The following SPECC1 variants were observed in gnomAD, a reference collection of about 807,000 sequenced individuals.
SPECC1 encodes cytospin-B.
Under a neutral mutation model 104.1 loss-of-function variants are expected in SPECC1, and 62 were observed. That is an observed-to-expected ratio of 0.60 (90% CI 0.49 to 0.74). The LOEUF (loss-of-function observed/expected upper bound fraction) is 0.74. Ranked by LOEUF, SPECC1 falls within the 30% of genes least tolerant of loss-of-function variation. The probability of loss-of-function intolerance (pLI) is 0.00; values close to 1 mark genes in which losing one functional copy is unlikely to be tolerated. For missense variants in SPECC1, 1,306 were observed against 1,310.5 expected, an observed-to-expected ratio of 1.00 and a Z score of 0.05; for synonymous variants, 513 against 501.6, an observed-to-expected ratio of 1.02 and a Z score of -0.30.
chr17:20,052,018 G>A (rs748508998), intron 1 of SPECC1, among the ~76,000 whole-genome samples: 11 of 152,100 alleles, frequency 7.2e-5, no homozygotes, highest in Non-Finnish European at 1.2e-4. Context: ...GGTTATTAAG[G>A]ATTAAATGTG....
chr17:20,119,619 C>T (rs1011034927), intron 3 of SPECC1, among the ~76,000 whole-genome samples: 12 of 152,334 alleles, frequency 7.9e-5, no homozygotes, highest in Admixed American at 5.9e-4. Context: ...GTCATGCTGT[C>T]CCCAGACTGC....
At chr17:20,060,816 A>G (rs1016269279) in intron 1 of SPECC1, among the ~76,000 whole-genome samples, 5 of 152,232 alleles carry the variant, frequency 3.3e-5, no homozygotes, top group Non-Finnish European at 7.3e-5. Flanking sequence ...GATGGTACAA[A>G]ATAGAAAAAG....
chr17:20,254,135 G>GTC (rs1491150199), intron 10 of SPECC1, among the ~76,000 whole-genome samples: 670 of 12,050 alleles, frequency 0.056, 5 homozygotes, highest in African/African-American at 0.27. Context: ...TTGTTACACC[G>GTC]TGTGTGTGTG....
intron 1 of SPECC1, among the ~76,000 whole-genome samples, chr17:20,045,377 A>T (rs1472488545): frequency 6.6e-6 from 1 of 152,204 alleles, no homozygotes; most frequent in Non-Finnish European, 1.5e-5. Flanking sequence ...ACAATGCTGC[A>T]GTAAATACCA....
intron 1 of SPECC1, among the ~76,000 whole-genome samples, chr17:20,014,519 C>A (rs2044048384): frequency 6.6e-6 from 1 of 152,118 alleles, no homozygotes; most frequent in African/African-American, 2.4e-5. Context: ...TTTCTGAACC[C>A]TTGCATGTTT....
intron 1 of SPECC1, among the ~76,000 whole-genome samples, chr17:20,014,683 G>A (rs1459580309): frequency 2.0e-5 from 3 of 151,992 alleles, no homozygotes. Flanking sequence ...TGTAGTTAAT[G>A]TTTATTTTCT....
At chr17:20,151,314 C>A (rs2031986404) in intron 3 of SPECC1, among the ~76,000 whole-genome samples, 1 of 152,208 alleles carries the variant, frequency 6.6e-6, no homozygotes. Flanking sequence ...TGAGCCGCAG[C>A]TCCTAGTCAG....
At chr17:20,078,402 G>A (rs1021554894) in intron 1 of SPECC1, among the ~76,000 whole-genome samples, 1 of 151,912 alleles carries the variant, frequency 6.6e-6, no homozygotes, top group Non-Finnish European at 1.5e-5. Context: ...CTAGAAAAAG[G>A]AATATAGAAG....
chr17:20,213,063 A>C (rs1247651305), intron 4 of SPECC1, among the ~76,000 whole-genome samples: 2 of 152,088 alleles, frequency 1.3e-5, no homozygotes, highest in Admixed American at 6.6e-5. Context: ...CCAGCATTCA[A>C]AGTTGGGTCT....
intron 4 of SPECC1, among the ~76,000 whole-genome samples, chr17:20,213,929 G>A (rs770646216): frequency 8.6e-5 from 13 of 151,976 alleles, no homozygotes; most frequent in Non-Finnish European, 1.5e-4. Flanking sequence ...TTTAAATCAC[G>A]TAAGTCTGTG....
intron 1 of SPECC1, among the ~76,000 whole-genome samples, chr17:20,035,626 A>G (rs1399198733): frequency 1.3e-5 from 2 of 151,838 alleles, no homozygotes; most frequent in Non-Finnish European, 2.9e-5. Flanking sequence ...TTTTTTTTAA[A>G]TAGAGATGTG....
At chr17:20,248,661 G>C (rs1239603536) in intron 9 of SPECC1, among the ~76,000 whole-genome samples, 4 of 152,144 alleles carry the variant, frequency 2.6e-5, no homozygotes, top group African/African-American at 7.2e-5. Flanking sequence ...TTTATCTCTT[G>C]TGTGTCGGTG....
intron 1 of SPECC1, chr17:20,017,256 A>AAC (rs2044176715): frequency 6.6e-6 from 1 of 152,486 alleles, no homozygotes; most frequent in African/African-American, 2.4e-5. Context: ...TATGAGCTGC[A>AAC]ACACACACCT....
At chr17:20,236,860 C>T (rs1258016429) in intron 7 of SPECC1, 1 of 1,613,758 alleles carries the variant, frequency 6.2e-7, no homozygotes, top group Non-Finnish European at 8.5e-7. Context: ...ATTTTCACAG[C>T]TCCCTGGGCT....
intron 3 of SPECC1, among the ~76,000 whole-genome samples, chr17:20,173,873 C>T (rs1185110188): frequency 6.6e-6 from 1 of 151,958 alleles, no homozygotes; most frequent in East Asian, 1.9e-4. Context: ...CTTTACTTGG[C>T]TCTTGCAAAC....
At chr17:20,059,131 C>T (rs149045131) in intron 1 of SPECC1, among the ~76,000 whole-genome samples, 31 of 152,082 alleles carry the variant, frequency 2.0e-4, no homozygotes, top group Non-Finnish European at 3.4e-4. Context: ...TGAGCCACCA[C>T]GCCTGGCCTA....
intron 3 of SPECC1, among the ~76,000 whole-genome samples, chr17:20,168,729 A>G (rs899913200): frequency 6.6e-6 from 1 of 152,242 alleles, no homozygotes; most frequent in Non-Finnish European, 1.5e-5. Context: ...TAGTAAGGTA[A>G]CCAGCTTGGA....
rs140132500 is a variant in SPECC1, at chr17:20,117,546, G to A, written c.283+6984G>A. Among the ~76,000 whole-genome samples, 1,008 of 151,994 alleles carry A rather than the reference G, an allele frequency of 6.6e-3. 9 individuals are homozygous for A. The highest frequency in any genetic ancestry group is 0.023 in the African/African-American group (950 of 41,466). On this transcript the variant is annotated intron_variant, in intron 3 of 14. Coordinates refer to ENST00000395527, the MANE Select transcript of SPECC1 (RefSeq NM_001243439.2). ...TCATGCCTATAATCCCAGCAATTTG[G>A]GAGGCCAAAGTGGGAGGATTGCTTG...
chr17:20,287,087 C>T (rs952629052), intron 12 of SPECC1, among the ~76,000 whole-genome samples: 9 of 152,228 alleles, frequency 5.9e-5, no homozygotes, highest in African/African-American at 2.2e-4. Context: ...TAGCTCATAG[C>T]CTCTGTACGT....
Sources: gnomAD v4.1 joint callset for allele counts (sites outside exome capture counted in the v4.1 genomes callset) on GRCh38, gnomAD v4.1.1 for gene constraint, MANE v1.5 for transcripts, NCBI Gene and HGNC (gene_info 2026-07-23, HGNC 2026-07-21) for gene names.